EFHC2: variants seen among roughly 807,000 people sequenced by gnomAD.
EFHC2 encodes the protein EF-hand domain containing 2.
Under a neutral mutation model 52.7 loss-of-function variants are expected in EFHC2, and 18 were observed. The ratio of observed to expected loss-of-function variants is 0.34; its 90% CI spans 0.24 to 0.51. The LOEUF (loss-of-function observed/expected upper bound fraction) is 0.51. Ranked by LOEUF, EFHC2 falls within the 20% of genes least tolerant of loss-of-function variation. The probability of loss-of-function intolerance (pLI) is 0.97; values close to 1 mark genes in which losing one functional copy is unlikely to be tolerated. For synonymous variants in EFHC2, 203 were observed against 204.1 expected (o/e 0.99, Z 0.04); for missense variants, 513 against 562.5 (o/e 0.91, Z 0.89).
chrX:44,272,965 C>T lies in EFHC2; in HGVS notation c.232-129G>A, dbSNP rs779537849. Reference sequence around the variant, plus strand: ...AGTAGAGAGAATTTTTCCAAGAACTCATTCTACACATCAGCCATGCGAATG... The same window carrying T: ...AGTAGAGAGAATTTTTCCAAGAACTTATTCTACACATCAGCCATGCGAATG... On this transcript the variant is annotated intron_variant, in intron 2 of 14. Coordinates refer to ENST00000420999, the MANE Select transcript of EFHC2 (RefSeq NM_025184.4). The T allele has an allele frequency of 3.8e-4, 186 of 495,625 alleles. 1 individual carries two copies. The highest frequency in any genetic ancestry group is 5.9e-4 in the Middle Eastern group (1 of 1,706). The allele number at this position is 495,625 out of a possible 1,213,427, so 40.8% of individuals were successfully genotyped here.
At chrX:44,288,890 ACT>A (rs778946389) in intron 2 of EFHC2, among the ~76,000 whole-genome samples, 26 of 112,269 alleles carry the variant, frequency 2.3e-4, no homozygotes, top group African/African-American at 2.9e-4. Flanking sequence ...TGTAATTATA[ACT>A]CTGCTGTATA....
chrX:44,322,559 C>T lies in EFHC2; in HGVS notation c.43-9803G>A, dbSNP rs1299117970. ...GCATCAGAAGCCTGGCATTCACCTTCCAGCTTTGCCTCTATGGGTCATGTG... is the reference window on the plus strand; with the variant it reads ...GCATCAGAAGCCTGGCATTCACCTTTCAGCTTTGCCTCTATGGGTCATGTG... On this transcript the variant is annotated intron_variant, in intron 1 of 14. Coordinates refer to ENST00000420999, the MANE Select transcript of EFHC2 (RefSeq NM_025184.4). Among the ~76,000 whole-genome samples, 6 of 111,931 alleles carry T rather than the reference C, an allele frequency of 5.4e-5. No homozygotes were observed. The Admixed American group carries it at 5.7e-4, about 11-fold the overall frequency.
At chrX:44,266,059 C>T (rs1438482819) in intron 3 of EFHC2, among the ~76,000 whole-genome samples, 1 of 111,911 alleles carries the variant, frequency 8.9e-6, no homozygotes, top group Non-Finnish European at 1.9e-5. Context: ...TTTCCCTATT[C>T]AATCTATGAT....
chrX:44,190,291 G>A (rs1015085455), intron 11 of EFHC2, among the ~76,000 whole-genome samples: 3 of 111,745 alleles, frequency 2.7e-5, no homozygotes, highest in African/African-American at 9.8e-5. Context: ...GTTTGGCAGT[G>A]GTCTGGCCCT....
chrX:44,314,778 C>A (rs2037972874), intron 1 of EFHC2, among the ~76,000 whole-genome samples: 2 of 111,543 alleles, frequency 1.8e-5, no homozygotes, highest in Non-Finnish European at 3.8e-5. Context: ...GCAAGTAACT[C>A]CGAGTAATCA....
At chrX:44,251,674 T>C (rs1468112007) in intron 4 of EFHC2, among the ~76,000 whole-genome samples, 10 of 97,655 alleles carry the variant, frequency 1.0e-4, no homozygotes, top group Non-Finnish European at 1.9e-4. Flanking sequence ...ACTATACTTC[T>C]TTAATATTTT....
At chrX:44,262,347 T>A (rs1385708579) in intron 3 of EFHC2, among the ~76,000 whole-genome samples, 4 of 103,800 alleles carry the variant, frequency 3.9e-5, no homozygotes, top group African/African-American at 1.4e-4. Context: ...AAAAAAAAAA[T>A]TAATTAAAAA....
chrX:44,309,455 C>T (rs2037929020), intron 2 of EFHC2: 12 of 1,180,287 alleles, frequency 1.0e-5, no homozygotes, highest in Non-Finnish European at 1.3e-5. Flanking sequence ...CTCTCTACTC[C>T]GAAAACCTTG....
At chrX:44,305,729 C>G (rs985859558) in intron 2 of EFHC2, among the ~76,000 whole-genome samples, 7 of 111,747 alleles carry the variant, frequency 6.3e-5, no homozygotes, top group Non-Finnish European at 1.3e-4. Context: ...AACTACAAGT[C>G]CAAAGAGAGG....
chrX:44,206,285 C>T (rs767942240), intron 11 of EFHC2, among the ~76,000 whole-genome samples: 2 of 111,684 alleles, frequency 1.8e-5, no homozygotes, highest in Non-Finnish European at 3.8e-5. Context: ...CAGCATTTCC[C>T]CTAATAACTG....
intron 2 of EFHC2, chrX:44,309,653 T>C: frequency 8.9e-7 from 1 of 1,121,380 alleles, no homozygotes; most frequent in Non-Finnish European, 1.2e-6. Flanking sequence ...TGTTTGAACA[T>C]CAAGCAAGCA....
chrX:44,275,957 G>A (rs2147355004), intron 2 of EFHC2, among the ~76,000 whole-genome samples: 1 of 109,089 alleles, frequency 9.2e-6, no homozygotes, highest in East Asian at 2.9e-4. Flanking sequence ...CCTAGAGGAT[G>A]TAATTGGCTG....
intron 7 of EFHC2, among the ~76,000 whole-genome samples, chrX:44,243,888 C>T (rs1003411093): frequency 1.8e-5 from 2 of 112,074 alleles, no homozygotes; most frequent in East Asian, 2.8e-4. Flanking sequence ...TTACATCTAA[C>T]ACACCACTGT....
In EFHC2 at chrX:44,310,372, C is replaced by T. The variant is rs866289434; in HGVS notation, c.231+2196G>A. 6.1e-4 allele frequency: 565 copies of T among 926,716 alleles called. 1 individual carries two copies. Among genetic ancestry groups the T allele is most frequent in the Non-Finnish European group, 7.2e-4 (482 of 667,690 alleles). The allele number at this position is 926,716 out of a possible 1,213,427, so 76.4% of individuals were successfully genotyped here. ...CCAGAACCCGGGTCCCGCTCAGGGC[C>T]GGCGGCCTGTTCACCTTGTCGACCA... On this transcript the variant is annotated intron_variant, in intron 2 of 14. Coordinates refer to ENST00000420999, the MANE Select transcript of EFHC2 (RefSeq NM_025184.4).
chrX:44,327,515 A>C (rs2038060261), intron 1 of EFHC2, among the ~76,000 whole-genome samples: 1 of 112,245 alleles, frequency 8.9e-6, no homozygotes, highest in African/African-American at 3.2e-5. Context: ...CTGCCTGATC[A>C]GGTTCTGGAC....
chrX:44,207,593 G>A (rs1183529118), intron 11 of EFHC2, among the ~76,000 whole-genome samples: 1 of 111,758 alleles, frequency 8.9e-6, no homozygotes, highest in African/African-American at 3.2e-5. Flanking sequence ...ATTTGCCTAG[G>A]CAAAGAATTT....
chrX:44,180,695 G>A (rs1373471484), intron 11 of EFHC2, among the ~76,000 whole-genome samples: 2 of 109,674 alleles, frequency 1.8e-5, no homozygotes, highest in Non-Finnish European at 3.8e-5. Context: ...CTGAGATCAT[G>A]CCACTGCACT....
At chrX:44,266,884 A>C in intron 3 of EFHC2, among the ~76,000 whole-genome samples, 1 of 111,389 alleles carries the variant, frequency 9.0e-6, no homozygotes, top group Non-Finnish European at 1.9e-5. Flanking sequence ...AGATTATCTT[A>C]GAGTATTAAA....
intron 3 of EFHC2, among the ~76,000 whole-genome samples, chrX:44,262,752 A>G (rs757144787): frequency 9.0e-6 from 1 of 110,706 alleles, no homozygotes; most frequent in South Asian, 3.8e-4. Flanking sequence ...CTAAGCCCCA[A>G]TTCCCACAGG....
Sources: gnomAD v4.1 joint callset for allele counts (sites outside exome capture counted in the v4.1 genomes callset) on GRCh38, gnomAD v4.1.1 for gene constraint, MANE v1.5 for transcripts, NCBI Gene and HGNC (gene_info 2026-07-23, HGNC 2026-07-21) for gene names.